The following SCFD1 variants were observed in gnomAD, a reference collection of about 807,000 sequenced individuals.
The protein encoded by SCFD1 is sec1 family domain-containing protein 1.
A neutral mutation model predicts 103.2 loss-of-function variants in SCFD1; 37 were observed. That is an observed-to-expected ratio of 0.36 (90% confidence interval 0.28 to 0.47). The LOEUF (loss-of-function observed/expected upper bound fraction) is 0.47. Among genes scored for constraint, SCFD1 ranks in the 20% least tolerant of loss-of-function variants. The probability of loss-of-function intolerance (pLI) is 1.00; values close to 1 mark genes in which losing one functional copy is unlikely to be tolerated. For missense variants in SCFD1, 639 were observed against 761.2 expected (o/e 0.84, Z 1.89); for synonymous variants, 264 against 245.0 (o/e 1.08, Z -0.73).
chr14:30,678,944 C>G (rs1029003042), intron 14 of SCFD1, among the ~76,000 whole-genome samples: 27 of 152,304 alleles, frequency 1.8e-4, no homozygotes, highest in Middle Eastern at 3.4e-3. Context: ...GATGTCTGTA[C>G]TCTAAAGAAG....
intron 15 of SCFD1, among the ~76,000 whole-genome samples, chr14:30,696,664 A>G (rs1051329150): frequency 6.6e-6 from 1 of 152,188 alleles, no homozygotes; most frequent in African/African-American, 2.4e-5. Context: ...ATGTGGGAGT[A>G]GTCTAGCAAG....
At chr14:30,625,946 C>T (rs1883388716) in intron 1 of SCFD1, among the ~76,000 whole-genome samples, 2 of 152,092 alleles carry the variant, frequency 1.3e-5, no homozygotes, top group African/African-American at 2.4e-5. Flanking sequence ...TTTCGTTCTT[C>T]CAAGTTGTCA....
At position 30,622,572 on chromosome 14, in the gene SCFD1, C is replaced by A. The variant is rs770796061; in HGVS notation, c.61+173C>A. The A allele has an allele frequency of 1.8e-5, 21 of 1,170,042 alleles. No homozygotes were observed. In the African/African-American group the frequency reaches 3.1e-4, roughly 17 times the overall value. 72.5% of individuals were successfully genotyped at this position (1,170,042 alleles called of 1,614,324 possible). On this transcript the variant is annotated intron_variant, in intron 1 of 24. Transcript: ENST00000458591. The stretch of plus-strand genomic sequence containing the variant: ...AGAAGTTGCCATTAGCTTGAGGACT[C>A]GGTTCCTCCTGTGGTGCAGGAGAAG...
chr14:30,668,029 C>T (rs1888174068), intron 10 of SCFD1, among the ~76,000 whole-genome samples: 1 of 152,200 alleles, frequency 6.6e-6, no homozygotes, highest in South Asian at 2.1e-4. Flanking sequence ...CAATGACTTT[C>T]TTCACAGAAT....
chr14:30,700,395 AG>A (rs1012647126), intron 16 of SCFD1, 137 bp downstream of exon 16: 2 of 661,962 alleles, frequency 3.0e-6, no homozygotes, highest in African/African-American at 1.8e-5. Flanking sequence ...AAAAATGGCC[AG>A]GCGTGGTGAC....
At chr14:30,642,718 T>C (rs1885407025) in intron 6 of SCFD1, among the ~76,000 whole-genome samples, 1 of 152,230 alleles carries the variant, frequency 6.6e-6, no homozygotes. Context: ...GAATATGATA[T>C]TTATTTTCCT....
chr14:30,671,685 A>G (rs1051757258), intron 11 of SCFD1, among the ~76,000 whole-genome samples: 1 of 152,182 alleles, frequency 6.6e-6, no homozygotes, highest in Non-Finnish European at 1.5e-5. Context: ...GAGATAGCAT[A>G]AACAAGTGAC....
chr14:30,639,783 G>T lies in SCFD1; in HGVS notation c.442G>T (p.Asp148Tyr). ...CCTTTTCTTTTGTTTCTAGGTTTTT[G>T]ACCAATATCTCAATTTTATTACTTT... ...SAVTQVAKVF[D>Y]QYLNFITLED... Residue 148 changes from aspartate to tyrosine, a missense_variant, in exon 6 of 25, where the codon GAC (aspartate) becomes TAC (tyrosine). Coordinates refer to ENST00000458591, the MANE Select transcript of SCFD1 (RefSeq NM_016106.4). 3.8e-6 allele frequency: 6 copies of T among 1,567,522 alleles called. No individual in the cohort carries two copies. In the South Asian group the frequency reaches 4.7e-5, roughly 12 times the overall value.
rs371740353 is a variant in SCFD1, at chr14:30,667,703, CAA to C, written c.856-2551_856-2550del. ...TCCTTAAGCTGATAAGCAACTTCAGCAAAGTCTCAGGATACAAAATCAATGTG... is the reference window on the plus strand; with the variant it reads ...TCCTTAAGCTGATAAGCAACTTCAGCAGTCTCAGGATACAAAATCAATGTG... On this transcript the variant is annotated intron_variant, in intron 10 of 24. Coordinates refer to ENST00000458591, the MANE Select transcript of SCFD1 (RefSeq NM_016106.4). 5.9e-4 allele frequency among the ~76,000 whole-genome samples: 90 copies of C among 152,318 alleles called. 3 individuals are homozygous for C. The South Asian group carries it at 0.018, about 31-fold the overall frequency.
chr14:30,662,366 G>A (rs1273322658), intron 10 of SCFD1, among the ~76,000 whole-genome samples: 1 of 152,172 alleles, frequency 6.6e-6, no homozygotes, highest in East Asian at 1.9e-4. Flanking sequence ...CCAAAGCTGT[G>A]GAAGATGTTG....
chr14:30,628,520 A>G lies in SCFD1; in HGVS notation c.132+241A>G, dbSNP rs552383424. Among the ~76,000 whole-genome samples the G allele has an allele frequency of 2.0e-4, 30 of 152,326 alleles. No homozygotes were observed. In the East Asian group the frequency reaches 5.4e-3, roughly 27 times the overall value. On this transcript the variant is annotated intron_variant, in intron 2 of 24. Transcript: ENST00000458591. ...CAGTTGATCTCTTTGGTAGGATGTC[A>G]CTGATAGGTCTTTTTCCTGGTTGAT... is the stretch of plus-strand genomic sequence containing the variant.
At chr14:30,705,737 G>C in intron 17 of SCFD1, 86 bp from the exon 18 acceptor site, 1 of 976,448 alleles carries the variant, frequency 1.0e-6, no homozygotes, top group Non-Finnish European at 1.6e-6. Flanking sequence ...ATAGAAGTTA[G>C]AGTTAGTCAG....
At chr14:30,671,280 G>A (rs1003203816) in intron 11 of SCFD1, among the ~76,000 whole-genome samples, 1 of 152,006 alleles carries the variant, frequency 6.6e-6, no homozygotes, top group Non-Finnish European at 1.5e-5. Flanking sequence ...GCAGAGAAAA[G>A]TCACTGTCTT....
At chr14:30,643,640 T>C (rs988815983) in intron 7 of SCFD1, among the ~76,000 whole-genome samples, 1 of 152,198 alleles carries the variant, frequency 6.6e-6, no homozygotes, top group Non-Finnish European at 1.5e-5. Flanking sequence ...TTGGTAGTTA[T>C]AATTTTCTAC....
intron 10 of SCFD1, among the ~76,000 whole-genome samples, chr14:30,666,979 AAG>A (rs1888035419): frequency 6.6e-6 from 1 of 152,204 alleles, no homozygotes; most frequent in Non-Finnish European, 1.5e-5. Context: ...CAGAGATACA[AAG>A]AGAAGCTGGT....
chr14:30,706,541 G>A (rs117990520), intron 18 of SCFD1, among the ~76,000 whole-genome samples: 2,330 of 152,166 alleles, frequency 0.015, 30 homozygotes, highest in Middle Eastern at 0.027. Flanking sequence ...AACTGTTTTA[G>A]TACCAATGTT....
At chr14:30,675,464 G>C (rs943988809) in intron 14 of SCFD1, 1 of 153,348 alleles carries the variant, frequency 6.5e-6, no homozygotes, top group Non-Finnish European at 1.5e-5. Flanking sequence ...ACTTTGTTCT[G>C]AACTTTTTAA....
chr14:30,673,130 A>G (rs1888704714), intron 11 of SCFD1, 127 bp from the exon 12 acceptor site: 6 of 453,806 alleles, frequency 1.3e-5, no homozygotes, highest in South Asian at 1.1e-4. Context: ...TTTGTTATAT[A>G]TAACATATAT....
intron 23 of SCFD1, among the ~76,000 whole-genome samples, chr14:30,731,562 C>T (rs1241409271): frequency 2.6e-5 from 4 of 152,074 alleles, no homozygotes; most frequent in African/African-American, 9.7e-5. Context: ...TGAAGAGGTC[C>T]TTCACATCCC....
Sources: allele counts gnomAD v4.1 joint callset (sites outside exome capture counted in the v4.1 genomes callset), GRCh38; gene constraint gnomAD v4.1.1; transcripts MANE v1.5; gene names NCBI Gene and HGNC (gene_info 2026-07-23, HGNC 2026-07-21).